The following FMO3 variants were observed in gnomAD, a reference collection of about 807,000 sequenced individuals.
The protein encoded by FMO3 is flavin-containing monooxygenase 3.
In FMO3, 40 loss-of-function variants were observed where a neutral mutation model predicts 39.4. The ratio of observed to expected loss-of-function variants is 1.02; its 90% CI spans 0.79 to 1.32. FMO3 has a LOEUF of 1.32. Ranked by LOEUF, FMO3 falls within the 40% of genes most tolerant of loss-of-function variation. The probability of loss-of-function intolerance (pLI) is 0.00; values close to 1 mark genes in which losing one functional copy is unlikely to be tolerated. For missense variants in FMO3, 680 were observed against 651.8 expected (o/e 1.04, Z -0.47); for synonymous variants, 219 against 228.8 (o/e 0.96, Z 0.39).
intron 2 of FMO3, among the ~76,000 whole-genome samples, chr1:171,096,275 T>TTA (rs1458703836): frequency 1.7e-5 from 1 of 60,420 alleles, no homozygotes; most frequent in Non-Finnish European, 2.6e-5. Context: ...TATATAAATA[T>TTA]TATATATATT....
chr1:171,113,950 C>A (rs746833015), intron 6 of FMO3, 57 bp from the exon 7 acceptor site: 21 of 1,249,070 alleles, frequency 1.7e-5, no homozygotes, highest in East Asian at 2.4e-5. Flanking sequence ...ATATATGGAC[C>A]AATAAAACAA....
intron 8 of FMO3, among the ~76,000 whole-genome samples, 161 bp from the exon 9 acceptor site, chr1:171,116,939 A>T (rs1656180157): frequency 6.6e-6 from 1 of 152,230 alleles, no homozygotes; most frequent in Non-Finnish European, 1.5e-5. Context: ...TCCTTATACA[A>T]GAAATTGATG....
In FMO3 at chr1:171,101,238, T is replaced by C. The variant is rs372403982; in HGVS notation, c.133-2547T>C. 21 of 456,204 alleles carry C rather than the reference T, an allele frequency of 4.6e-5. 1 individual carries two copies. The highest frequency in any genetic ancestry group is 1.4e-4 in the East Asian group (2 of 14,382). 28.3% of individuals were successfully genotyped at this position (456,204 alleles called of 1,614,324 possible). On this transcript the variant is annotated intron_variant, in intron 2 of 8. Transcript: ENST00000367755. ...TCACACTTCGTTTTCAGCCTACTGA[T>C]AGTGATTCCCGACTGCTGACTTCTA...
At chr1:171,107,375 C>G (rs1655690533) in intron 3 of FMO3, among the ~76,000 whole-genome samples, 1 of 152,168 alleles carries the variant, frequency 6.6e-6, no homozygotes, top group Non-Finnish European at 1.5e-5. Flanking sequence ...CATTGGCCAT[C>G]AGATTTTCTA....
Position 171,117,097 on chromosome 1 carries a change from C to A in FMO3, c.1257-3C>A. ...ACAGTGGTGTTTTCTCTCCCATCTC[C>A]AGGTTTGGCAAAAGCGAGACCATAC... On this transcript the variant is annotated splice_region_variant and splice_polypyrimidine_tract_variant and intron_variant, in intron 8 of 8. Transcript: ENST00000367755. 1 of 1,612,442 alleles carries A rather than the reference C, an allele frequency of 6.2e-7. No homozygotes were observed. The highest frequency in any genetic ancestry group is 2.2e-5 in the East Asian group (1 of 44,866).
At chr1:171,107,151 G>A (rs563169185) in intron 3 of FMO3, among the ~76,000 whole-genome samples, 13 of 152,232 alleles carry the variant, frequency 8.5e-5, no homozygotes, top group Non-Finnish European at 1.6e-4. Context: ...AATATTTATC[G>A]ATAATCTAGT....
At chr1:171,108,263 G>C in intron 5 of FMO3, 42 bp downstream of exon 5, 1 of 1,610,080 alleles carries the variant, frequency 6.2e-7, no homozygotes, top group Non-Finnish European at 8.5e-7. Context: ...GTTACTGACA[G>C]AAGAGTTATT....
At chr1:171,116,399 C>A in intron 8 of FMO3, 119 bp downstream of exon 8, 1 of 640,946 alleles carries the variant, frequency 1.6e-6, no homozygotes, top group Non-Finnish European at 2.8e-6. Context: ...ATGACAACTA[C>A]AAGCTATATT....
intron 3 of FMO3, among the ~76,000 whole-genome samples, chr1:171,104,580 AATAAAC>A (rs1165331473): frequency 6.6e-6 from 1 of 152,220 alleles, no homozygotes; most frequent in East Asian, 1.9e-4. Flanking sequence ...GGACTAATAA[AATAAAC>A]AACAGGAGCC....
intron 3 of FMO3, among the ~76,000 whole-genome samples, chr1:171,105,469 C>T (rs1037778659): frequency 6.6e-6 from 1 of 152,138 alleles, no homozygotes; most frequent in African/African-American, 2.4e-5. Context: ...GCCACACTGA[C>T]TTCCACAATG....
At chr1:171,094,057 C>T (rs995454743) in intron 2 of FMO3, among the ~76,000 whole-genome samples, 2 of 151,802 alleles carry the variant, frequency 1.3e-5, no homozygotes, top group African/African-American at 2.4e-5. Flanking sequence ...TCAAACTCCT[C>T]AGCTCAGGTG....
intron 6 of FMO3, among the ~76,000 whole-genome samples, chr1:171,112,081 A>T (rs1655938621): frequency 6.6e-6 from 1 of 152,202 alleles, no homozygotes; most frequent in Non-Finnish European, 1.5e-5. Context: ...GACTGAGGAC[A>T]CAGCCAGGGC....
intron 2 of FMO3, among the ~76,000 whole-genome samples, chr1:171,096,170 T>TTC (rs1230316951): frequency 1.4e-5 from 1 of 71,196 alleles, no homozygotes; most frequent in African/African-American, 6.5e-5. Context: ...ATATATATAA[T>TTC]TATATATAAT....
At chr1:171,110,494 T>A (rs1461774826) in intron 5 of FMO3, among the ~76,000 whole-genome samples, 1 of 152,176 alleles carries the variant, frequency 6.6e-6, no homozygotes, top group Non-Finnish European at 1.5e-5. Flanking sequence ...AGCTTCCATT[T>A]ACTTTGAAGC....
chr1:171,098,122 A>G (rs1248286883), intron 2 of FMO3, among the ~76,000 whole-genome samples: 2 of 152,028 alleles, frequency 1.3e-5, no homozygotes, highest in Non-Finnish European at 2.9e-5. Flanking sequence ...ATTATTTCTG[A>G]GGGCTCTGTT....
chr1:171,108,241 C>T lies in FMO3; in HGVS notation c.627+20C>T, dbSNP rs774813678. The T allele has an allele frequency of 9.9e-6, 16 of 1,613,184 alleles. No homozygotes were observed. Among genetic ancestry groups the T allele is most frequent in the East Asian group, 6.7e-5 (3 of 44,850 alleles). On this transcript the variant is annotated intron_variant, in intron 5 of 8. Coordinates refer to ENST00000367755, the MANE Select transcript of FMO3 (RefSeq NM_001002294.3). ...GAACAGGTACTACTCCCCGGGTACT[C>T]GGGTGACTCTCGTTACTGACAGAAG...
Position 171,103,963 on chromosome 1 carries a change from T to A in FMO3, c.311T>A (p.Ile104Lys). 6.2e-7 allele frequency: 1 copy of A among 1,610,546 alleles called. No individual in the cohort carries two copies. The highest frequency in any genetic ancestry group is 2.2e-5 in the East Asian group (1 of 44,856). Reference sequence around the variant, plus strand: ...AAAGAAAAGAACCTCCTGAAGTACATACAATTTAAGGTAAGATGTTATCAA... The same window carrying A: ...AAAGAAAAGAACCTCCTGAAGTACAAACAATTTAAGGTAAGATGTTATCAA... ...FAKEKNLLKY[I>K]QFKTFVSSVN... The change falls in exon 3 of 9, where the codon ATA (isoleucine) becomes AAA (lysine). Residue 104 changes from isoleucine to lysine, a missense_variant. By Grantham distance (102) the Ile-to-Lys change is moderately radical. Coordinates refer to ENST00000367755, the MANE Select transcript of FMO3 (RefSeq NM_001002294.3).
rs754884355 is a variant in FMO3, at chr1:171,114,372, T to C, written c.1183+10T>C. 2.5e-6 allele frequency: 4 copies of C among 1,585,556 alleles called. No homozygotes were observed. The highest frequency in any genetic ancestry group is 1.7e-5 in the Admixed American group (1 of 59,632). On this transcript the variant is annotated intron_variant, in intron 7 of 8. Transcript: ENST00000367755. ...GCACAAGTAATAAAGGGTAAGTCAA[T>C]AAAGAGGCTCATGGATTGCGAAGAT...
At chr1:171,111,717 G>A (rs1419171549) in intron 6 of FMO3, among the ~76,000 whole-genome samples, 1 of 152,062 alleles carries the variant, frequency 6.6e-6, no homozygotes, top group Non-Finnish European at 1.5e-5. Context: ...CCCAAGTTAC[G>A]AGCTGTTTTC....
Sources: gnomAD v4.1 joint callset for allele counts (sites outside exome capture counted in the v4.1 genomes callset) on GRCh38, gnomAD v4.1.1 for gene constraint, MANE v1.5 for transcripts, NCBI Gene and HGNC (gene_info 2026-07-23, HGNC 2026-07-21) for gene names.